Variants in UNC5D observed in about 807,000 individuals in gnomAD.
UNC5D encodes the protein unc-5 netrin receptor D, also known as netrin receptor UNC5D.
A neutral mutation model predicts 105.4 loss-of-function variants in UNC5D; 39 were observed. That is an observed-to-expected ratio of 0.37 (90% CI 0.29 to 0.48). The LOEUF (loss-of-function observed/expected upper bound fraction) is 0.48. UNC5D is among the 20% of genes least tolerant of loss of function. UNC5D has a pLI of 0.98. For missense variants in UNC5D, 991 were observed against 1,202.4 expected (o/e 0.82, Z 2.60); for synonymous variants, 452 against 450.4 (o/e 1.00, Z -0.04).
intron 4 of UNC5D, among the ~76,000 whole-genome samples, chr8:35,657,318 G>A (rs1374453639): frequency 6.6e-6 from 1 of 150,922 alleles, no homozygotes; most frequent in Admixed American, 6.6e-5. Context: ...GATCCCTGTG[G>A]CCAAAAAATC....
chr8:35,362,201 C>T (rs1037953051), intron 1 of UNC5D, among the ~76,000 whole-genome samples: 20 of 152,130 alleles, frequency 1.3e-4, no homozygotes, highest in African/African-American at 2.7e-4. Context: ...AGTTGCATTT[C>T]GCAATTGAAT....
intron 2 of UNC5D, among the ~76,000 whole-genome samples, chr8:35,563,100 G>C (rs1445336041): frequency 6.6e-6 from 1 of 151,544 alleles, no homozygotes; most frequent in African/African-American, 2.4e-5. Flanking sequence ...GTTTTTTATG[G>C]GTCCGTACAA....
chr8:35,711,242 C>T (rs909149681), intron 8 of UNC5D, among the ~76,000 whole-genome samples: 6 of 141,934 alleles, frequency 4.2e-5, no homozygotes, highest in African/African-American at 1.0e-4. Context: ...TGCAGTGGTG[C>T]GATCTTGGCT....
chr8:35,470,688 G>A (rs1207174500), intron 1 of UNC5D, among the ~76,000 whole-genome samples: 2 of 151,084 alleles, frequency 1.3e-5, no homozygotes, highest in African/African-American at 2.4e-5. Context: ...AGGATCACTT[G>A]AGCCCAGGAG....
intron 1 of UNC5D, among the ~76,000 whole-genome samples, chr8:35,295,774 C>T (rs1291112446): frequency 6.6e-6 from 1 of 152,186 alleles, no homozygotes; most frequent in Non-Finnish European, 1.5e-5. Flanking sequence ...TACATTAGCT[C>T]TCCAGAACTT....
intron 4 of UNC5D, among the ~76,000 whole-genome samples, chr8:35,631,264 A>G (rs1563611198): frequency 6.6e-6 from 1 of 151,748 alleles, no homozygotes; most frequent in East Asian, 1.9e-4. Context: ...CAGTGAGCCG[A>G]GATCATGCCA....
intron 1 of UNC5D, among the ~76,000 whole-genome samples, chr8:35,545,015 G>A (rs1563520250): frequency 6.6e-6 from 1 of 152,204 alleles, no homozygotes; most frequent in Non-Finnish European, 1.5e-5. Flanking sequence ...GGTCATCAGA[G>A]TCTGTGATTT....
intron 1 of UNC5D, among the ~76,000 whole-genome samples, chr8:35,501,710 T>C (rs546238732): frequency 2.6e-4 from 39 of 152,366 alleles, no homozygotes; most frequent in African/African-American, 8.4e-4. Context: ...TTGCATTCAG[T>C]TACCCCACTC....
At chr8:35,249,034 A>AG (rs1803485209) in intron 1 of UNC5D, among the ~76,000 whole-genome samples, 1 of 23,166 alleles carries the variant, frequency 4.3e-5, no homozygotes, top group African/African-American at 7.0e-5. Flanking sequence ...TGTTTATATA[A>AG]TATATATTAT....
At chr8:35,765,492 G>A (rs974462904) in intron 14 of UNC5D, among the ~76,000 whole-genome samples, 1 of 152,134 alleles carries the variant, frequency 6.6e-6, no homozygotes, top group Non-Finnish European at 1.5e-5. Context: ...ATGCATGGTA[G>A]AATATTTGAT....
chr8:35,282,541 A>G (rs1235779933), intron 1 of UNC5D, among the ~76,000 whole-genome samples: 1 of 152,260 alleles, frequency 6.6e-6, no homozygotes, highest in Non-Finnish European at 1.5e-5. Flanking sequence ...TGTCCCGCAT[A>G]TATGACTTTG....
chr8:35,353,973 A>G (rs571906791), intron 1 of UNC5D, among the ~76,000 whole-genome samples: 17 of 152,298 alleles, frequency 1.1e-4, no homozygotes, highest in Non-Finnish European at 1.8e-4. Context: ...ACTCTTTACA[A>G]AGCTTGGAGC....
In UNC5D at chr8:35,673,359, T is replaced by A. The variant is rs375267905; in HGVS notation, c.571-10188T>A. ...CATTGTGAGCAGAGAAGCATCACTG[T>A]GCAATGGTTCAGTCCCTTTGGAGAC... On this transcript the variant is annotated intron_variant, in intron 4 of 16. Transcript: ENST00000404895. Among the ~76,000 whole-genome samples, 39 of 152,350 alleles carry A rather than the reference T, an allele frequency of 2.6e-4. 1 individual carries two copies. In the South Asian group the frequency reaches 7.7e-3, roughly 30 times the overall value.
chr8:35,671,487 A>ACTT (rs1824801266), intron 4 of UNC5D, among the ~76,000 whole-genome samples: 1 of 152,190 alleles, frequency 6.6e-6, no homozygotes, highest in Non-Finnish European at 1.5e-5. Context: ...TGCATAAAGA[A>ACTT]CTTTTGTTTG....
chr8:35,585,124 C>A (rs1383149087), intron 3 of UNC5D, among the ~76,000 whole-genome samples: 1 of 152,184 alleles, frequency 6.6e-6, no homozygotes, highest in Non-Finnish European at 1.5e-5. Flanking sequence ...TGTTACCTGA[C>A]AAGCTACACT....
intron 1 of UNC5D, among the ~76,000 whole-genome samples, chr8:35,428,067 ATAGT>A (rs1213076220): frequency 2.0e-5 from 3 of 152,282 alleles, no homozygotes; most frequent in Non-Finnish European, 4.4e-5. Context: ...ATGTAGATGG[ATAGT>A]TAGAGTCTCA....
intron 1 of UNC5D, among the ~76,000 whole-genome samples, chr8:35,477,629 T>C (rs549716064): frequency 6.6e-6 from 1 of 151,930 alleles, no homozygotes; most frequent in Non-Finnish European, 1.5e-5. Flanking sequence ...CTAAGTAACA[T>C]GGAAAGGAAA....
At chr8:35,671,405 G>T (rs1331283558) in intron 4 of UNC5D, among the ~76,000 whole-genome samples, 1 of 152,172 alleles carries the variant, frequency 6.6e-6, no homozygotes, top group Non-Finnish European at 1.5e-5. Flanking sequence ...ATAATGGGAA[G>T]CCAAATGAAA....
At chr8:35,390,296 G>A (rs1803691394) in intron 1 of UNC5D, among the ~76,000 whole-genome samples, 1 of 152,172 alleles carries the variant, frequency 6.6e-6, no homozygotes, top group South Asian at 2.1e-4. Context: ...GTTTGAATAT[G>A]AGATTTGGAT....
Sources: allele counts gnomAD v4.1 joint callset (sites outside exome capture counted in the v4.1 genomes callset), GRCh38; gene constraint gnomAD v4.1.1; transcripts MANE v1.5; gene names NCBI Gene and HGNC (gene_info 2026-07-23, HGNC 2026-07-21).